ESF1: variants seen among roughly 807,000 people sequenced by gnomAD.
The protein encoded by ESF1 is ESF1 nucleolar pre-rRNA processing protein.
ESF1 carries 58 observed loss-of-function variants against 92.0 expected under a neutral mutation model. That is an observed-to-expected ratio of 0.63 (90% CI 0.51 to 0.78). The LOEUF (loss-of-function observed/expected upper bound fraction) is 0.78. Among genes scored for constraint, ESF1 ranks in the 30% least tolerant of loss-of-function variants. The pLI is 0.00. For synonymous variants in ESF1, 321 were observed against 313.7 expected (o/e 1.02, Z -0.24); for missense variants, 922 against 989.1 (o/e 0.93, Z 0.91).
At chr20:13,720,725 C>T (rs1219779276) in intron 11 of ESF1, among the ~76,000 whole-genome samples, 1 of 152,174 alleles carries the variant, frequency 6.6e-6, no homozygotes, top group Non-Finnish European at 1.5e-5. Context: ...AAAGTATATG[C>T]ATACAAAAGT....
intron 2 of ESF1, among the ~76,000 whole-genome samples, chr20:13,777,684 A>C (rs1721813703): frequency 6.6e-6 from 1 of 152,158 alleles, no homozygotes; most frequent in African/African-American, 2.4e-5. Flanking sequence ...TTAAGATGGA[A>C]ATTTTAGTCC....
chr20:13,724,123 T>C lies in ESF1; in HGVS notation c.2038+4255A>G, dbSNP rs1600265752. 2.6e-5 allele frequency among the ~76,000 whole-genome samples: 4 copies of C among 152,066 alleles called. No individual in the cohort carries two copies. In the South Asian group the frequency reaches 6.2e-4, roughly 24 times the overall value. ...CAGCCTGGCCAACATGGTGAAACCC[T>C]GTCTCTACTAAAAATACAAAAATTA... On this transcript the variant is annotated intron_variant, in intron 11 of 13. Coordinates refer to ENST00000617257, the MANE Select transcript of ESF1 (RefSeq NM_001276380.2).
At chr20:13,738,825 T>C (rs1317433223) in intron 9 of ESF1, among the ~76,000 whole-genome samples, 1 of 152,014 alleles carries the variant, frequency 6.6e-6, no homozygotes, top group African/African-American at 2.4e-5. Flanking sequence ...AGCACGCACC[T>C]TATAAATGTC....
intron 13 of ESF1, among the ~76,000 whole-genome samples, chr20:13,715,831 C>T (rs986314499): frequency 6.6e-6 from 1 of 152,134 alleles, no homozygotes; most frequent in African/African-American, 2.4e-5. Flanking sequence ...GGGAAACACA[C>T]GAAATACAAG....
At chr20:13,770,162 C>A in intron 6 of ESF1, 141 bp from the exon 7 acceptor site, 1 of 563,218 alleles carries the variant, frequency 1.8e-6, no homozygotes, top group Non-Finnish European at 3.1e-6. Flanking sequence ...TAGACATAAC[C>A]TTTGTATATT....
intron 2 of ESF1, among the ~76,000 whole-genome samples, chr20:13,776,668 A>G (rs887946496): frequency 1.3e-5 from 2 of 152,226 alleles, no homozygotes; most frequent in African/African-American, 2.4e-5. Context: ...GATATCAAAT[A>G]AAATCAATAT....
intron 2 of ESF1, among the ~76,000 whole-genome samples, chr20:13,779,218 CA>C (rs200137216): frequency 6.0e-5 from 9 of 149,484 alleles, no homozygotes; most frequent in Admixed American, 2.0e-4. Flanking sequence ...AAACAAAAAA[CA>C]AAAAAAAACC....
chr20:13,758,836 G>A (rs1979021239), intron 9 of ESF1, among the ~76,000 whole-genome samples: 1 of 152,196 alleles, frequency 6.6e-6, no homozygotes, highest in Non-Finnish European at 1.5e-5. Flanking sequence ...TGAAAAAAAT[G>A]TGTACAGTAG....
chr20:13,761,142 C>A (rs191208211), intron 8 of ESF1, among the ~76,000 whole-genome samples: 8,929 of 152,004 alleles, frequency 0.059, 317 homozygotes, highest in Middle Eastern at 0.1. Flanking sequence ...GGATTAAAGG[C>A]GGTGTAAGAT....
At chr20:13,765,524 T>G (rs1568724999) in intron 8 of ESF1, among the ~76,000 whole-genome samples, 3 of 152,114 alleles carry the variant, frequency 2.0e-5, no homozygotes, top group Non-Finnish European at 4.4e-5. Context: ...AACAAAGAGC[T>G]ATGAAAGTCA....
At chr20:13,745,893 G>A (rs1011196059) in intron 9 of ESF1, among the ~76,000 whole-genome samples, 2 of 148,582 alleles carry the variant, frequency 1.3e-5, no homozygotes, top group South Asian at 2.1e-4. Context: ...GAAAAAGAAT[G>A]ACTAATACAT....
At chr20:13,752,030 T>A (rs1014260909) in intron 9 of ESF1, among the ~76,000 whole-genome samples, 2 of 151,932 alleles carry the variant, frequency 1.3e-5, no homozygotes, top group African/African-American at 4.8e-5. Flanking sequence ...AAAATAACAA[T>A]AAATCAATAT....
intron 13 of ESF1, among the ~76,000 whole-genome samples, chr20:13,717,052 C>T (rs967275778): frequency 2.0e-5 from 3 of 151,826 alleles, no homozygotes; most frequent in Admixed American, 6.6e-5. Context: ...CTCCTGACCT[C>T]GTGATCTGCC....
chr20:13,748,569 T>C, intron 9 of ESF1, among the ~76,000 whole-genome samples: 1 of 16,330 alleles, frequency 6.1e-5, no homozygotes, highest in African/African-American at 2.8e-4. Context: ...TATATATGTG[T>C]GTGTGTATAT....
chr20:13,759,435 T>C (rs958716192), intron 9 of ESF1, among the ~76,000 whole-genome samples: 3 of 152,148 alleles, frequency 2.0e-5, no homozygotes, highest in Admixed American at 2.0e-4. Context: ...AGTTTCTATA[T>C]CTTGAGAATA....
At chr20:13,765,174 G>C (rs1979377833) in intron 8 of ESF1, among the ~76,000 whole-genome samples, 1 of 152,112 alleles carries the variant, frequency 6.6e-6, no homozygotes, top group Non-Finnish European at 1.5e-5. Context: ...AGTGAGCCCA[G>C]ATTGTACCAC....
At chr20:13,784,134 G>A (rs918653768) in intron 1 of ESF1, among the ~76,000 whole-genome samples, 6 of 152,046 alleles carry the variant, frequency 3.9e-5, no homozygotes, top group African/African-American at 1.2e-4. Flanking sequence ...CAGTGATGAA[G>A]GCCCAAGTGA....
intron 9 of ESF1, among the ~76,000 whole-genome samples, chr20:13,751,981 G>A (rs535862223): frequency 6.6e-6 from 1 of 152,024 alleles, no homozygotes; most frequent in Non-Finnish European, 1.5e-5. Context: ...GGCGACAGAA[G>A]AATGTCTCAA....
intron 6 of ESF1, 39 bp downstream of exon 6, chr20:13,771,292 T>C (rs1208625546): frequency 6.5e-7 from 1 of 1,531,318 alleles, no homozygotes; most frequent in Non-Finnish European, 9.0e-7. Context: ...AATCATGTTG[T>C]ACTAAAAGAT....
Sources: allele counts gnomAD v4.1 joint callset (sites outside exome capture counted in the v4.1 genomes callset), GRCh38; gene constraint gnomAD v4.1.1; transcripts MANE v1.5; gene names NCBI Gene and HGNC (gene_info 2026-07-23, HGNC 2026-07-21).